IGF2BP3: variants seen among roughly 807,000 people sequenced by gnomAD.
IGF2BP3 encodes insulin like growth factor 2 mRNA binding protein 3.
Under a neutral mutation model 73.8 loss-of-function variants are expected in IGF2BP3, and 9 were observed. The ratio of observed to expected loss-of-function variants is 0.12; its 90% CI spans 0.07 to 0.21. The LOEUF (loss-of-function observed/expected upper bound fraction) is 0.21, where lower values mean the gene tolerates loss of function less well. Among genes scored for constraint, IGF2BP3 ranks in the 10% least tolerant of loss-of-function variants. The pLI is 1.00. For synonymous variants in IGF2BP3, 258 were observed against 256.7 expected (o/e 1.01, Z -0.05); for missense variants, 542 against 714.0 (o/e 0.76, Z 2.75).
intron 2 of IGF2BP3, among the ~76,000 whole-genome samples, chr7:23,445,316 G>T (rs952614222): frequency 6.6e-6 from 1 of 152,108 alleles, no homozygotes; most frequent in Non-Finnish European, 1.5e-5. Context: ...GTTCCTGTGG[G>T]TGTTTTGTAT....
intron 10 of IGF2BP3, among the ~76,000 whole-genome samples, chr7:23,336,815 C>T (rs1784585402): frequency 6.6e-6 from 1 of 151,988 alleles, no homozygotes; most frequent in Non-Finnish European, 1.5e-5. Flanking sequence ...AGGCATGGTG[C>T]TGCGCACTTG....
intron 10 of IGF2BP3, among the ~76,000 whole-genome samples, chr7:23,326,121 G>T (rs1448526321): frequency 1.3e-5 from 2 of 152,124 alleles, no homozygotes; most frequent in African/African-American, 4.8e-5. Context: ...CCATCAGAGT[G>T]AACAGGCAAC....
At chr7:23,383,176 GAA>G (rs1462066462) in intron 3 of IGF2BP3, among the ~76,000 whole-genome samples, 2 of 152,140 alleles carry the variant, frequency 1.3e-5, no homozygotes, top group Non-Finnish European at 2.9e-5. Flanking sequence ...TAAATACAGG[GAA>G]TAGTGATGGA....
At chr7:23,346,355 A>C (rs1784827800) in intron 7 of IGF2BP3, among the ~76,000 whole-genome samples, 2 of 152,348 alleles carry the variant, frequency 1.3e-5, no homozygotes, top group Admixed American at 6.5e-5. Flanking sequence ...CTACTACCAG[A>C]ACACAACGTA....
intron 2 of IGF2BP3, among the ~76,000 whole-genome samples, chr7:23,421,310 G>A (rs1382205932): frequency 6.6e-6 from 1 of 151,998 alleles, no homozygotes; most frequent in Admixed American, 6.6e-5. Flanking sequence ...GTGCCTGGCA[G>A]TATTTTCTAT....
intron 2 of IGF2BP3, among the ~76,000 whole-genome samples, chr7:23,428,823 C>A (rs1428518790): frequency 6.7e-6 from 1 of 150,212 alleles, no homozygotes; most frequent in Non-Finnish European, 1.5e-5. Context: ...TCAAATATTT[C>A]ATTCCTTCAG....
chr7:23,378,799 C>G (rs1392753026), intron 3 of IGF2BP3, among the ~76,000 whole-genome samples: 1 of 152,002 alleles, frequency 6.6e-6, no homozygotes, highest in Non-Finnish European at 1.5e-5. Context: ...GTCTCAATCT[C>G]TTGACCTCGT....
In IGF2BP3 at chr7:23,319,261, GA is replaced by G. The variant is rs1428423174; in HGVS notation, c.1204-8del. ...CAGTCTCCGTTTCTGATTGCTGTTA[GA>G]AAAGAAAGCCAGGACACCCATGTTT... is the stretch of plus-strand genomic sequence containing the variant. On this transcript the variant is annotated splice_polypyrimidine_tract_variant and splice_region_variant and intron_variant, in intron 10 of 14. Transcript: ENST00000258729. 1.3e-6 allele frequency: 2 copies of G among 1,582,986 alleles called. No individual in the cohort carries two copies. The highest frequency in any genetic ancestry group is 2.7e-5 in the African/African-American group (2 of 73,990).
At chr7:23,407,688 A>C (rs1178960605) in intron 3 of IGF2BP3, among the ~76,000 whole-genome samples, 4 of 152,092 alleles carry the variant, frequency 2.6e-5, no homozygotes, top group Non-Finnish European at 5.9e-5. Context: ...ACTTAAAGAA[A>C]TAACACCAAT....
rs1787452139 is a variant in IGF2BP3 at position 23,424,707 on chromosome 7, AG to A, written c.237-5884del. On this transcript the variant is annotated intron_variant, in intron 2 of 14. Coordinates refer to ENST00000258729, the MANE Select transcript of IGF2BP3 (RefSeq NM_006547.3). ...CCAGACAACCCTGGGCAACAAAATGAGACCCCCCACACCGGCCCTGCCTATC... is the reference window on the plus strand; with the variant it reads ...CCAGACAACCCTGGGCAACAAAATGAACCCCCCACACCGGCCCTGCCTATC... 3.3e-5 allele frequency among the ~76,000 whole-genome samples: 5 copies of A among 152,114 alleles called. No homozygotes were observed. In the South Asian group the frequency reaches 1.0e-3, roughly 31 times the overall value.
At chr7:23,387,677 A>G (rs541739006) in intron 3 of IGF2BP3, among the ~76,000 whole-genome samples, 1 of 152,338 alleles carries the variant, frequency 6.6e-6, no homozygotes, top group South Asian at 2.1e-4. Flanking sequence ...TAAAAAAGGA[A>G]CAAAGCACTG....
intron 10 of IGF2BP3, among the ~76,000 whole-genome samples, chr7:23,330,205 G>A (rs1354938256): frequency 6.6e-6 from 1 of 152,034 alleles, no homozygotes; most frequent in African/African-American, 2.4e-5. Flanking sequence ...AGAATGGCTT[G>A]AACCTGGGAG....
chr7:23,448,733 C>G lies in IGF2BP3; in HGVS notation c.236+19749G>C, dbSNP rs139126399. On this transcript the variant is annotated intron_variant, in intron 2 of 14. Coordinates refer to ENST00000258729, the MANE Select transcript of IGF2BP3 (RefSeq NM_006547.3). ...GCAGCCTCCACCTCCTGGGTTCAAACGATTCTCATGCCTCAGCCTCCTGAG... is the reference window on the plus strand; with the variant it reads ...GCAGCCTCCACCTCCTGGGTTCAAAGGATTCTCATGCCTCAGCCTCCTGAG... Among the ~76,000 whole-genome samples, 358 of 152,270 alleles carry G rather than the reference C, an allele frequency of 2.4e-3. 1 individual carries two copies. The highest frequency in any genetic ancestry group is 8.3e-3 in the African/African-American group (344 of 41,544).
intron 2 of IGF2BP3, among the ~76,000 whole-genome samples, chr7:23,448,504 G>T (rs1788117534): frequency 6.6e-6 from 1 of 152,198 alleles, no homozygotes; most frequent in Admixed American, 6.5e-5. Context: ...CTGGGCTCAA[G>T]CAATCTTCCC....
intron 3 of IGF2BP3, among the ~76,000 whole-genome samples, chr7:23,376,134 C>G (rs375176549): frequency 3.0e-4 from 45 of 152,134 alleles, no homozygotes; most frequent in African/African-American, 1.0e-3. Flanking sequence ...TGCAAAAGGG[C>G]AAAGGAATCA....
chr7:23,378,969 G>C (rs894786205), intron 3 of IGF2BP3, among the ~76,000 whole-genome samples: 1 of 151,988 alleles, frequency 6.6e-6, no homozygotes, highest in African/African-American at 2.4e-5. Flanking sequence ...CCAAGCAGAG[G>C]AAAAAAAGAT....
At chr7:23,395,925 C>CA (rs199818815) in intron 3 of IGF2BP3, among the ~76,000 whole-genome samples, 1,585 of 151,578 alleles carry the variant, frequency 0.01, 31 homozygotes, top group African/African-American at 0.037. Context: ...GACTCCATCT[C>CA]AAAAAAAGAA....
rs1214972338 is a variant in IGF2BP3 at position 23,310,617 on chromosome 7, TAGG to T, written c.*1742_*1744del. 3.9e-5 allele frequency: 6 copies of T among 152,350 alleles called. No homozygotes were observed. The highest frequency in any genetic ancestry group is 8.8e-5 in the Non-Finnish European group (6 of 68,034). The allele number at this position is 152,350 out of a possible 1,614,324, so 9.4% of individuals were successfully genotyped here. A position where few individuals can be genotyped will look rare whatever the true frequency, so the allele number is the denominator to read the frequency against. On this transcript the variant is annotated 3_prime_UTR_variant, in exon 15 of 15. Coordinates refer to ENST00000258729, the MANE Select transcript of IGF2BP3 (RefSeq NM_006547.3). The stretch of plus-strand genomic sequence containing the variant: ...TGTATGAAAAAAAAATCATGAATGC[TAGG>T]AGAATCCAGTGACAAAAAGGGCACT...
At chr7:23,374,139 G>A (rs185435966) in intron 3 of IGF2BP3, among the ~76,000 whole-genome samples, 19 of 152,228 alleles carry the variant, frequency 1.2e-4, no homozygotes, top group Non-Finnish European at 2.4e-4. Context: ...CAAAAGAACT[G>A]AACACAGGGA....
Sources: gnomAD v4.1 joint callset for allele counts (sites outside exome capture counted in the v4.1 genomes callset) on GRCh38, gnomAD v4.1.1 for gene constraint, MANE v1.5 for transcripts, NCBI Gene and HGNC (gene_info 2026-07-23, HGNC 2026-07-21) for gene names.